Variants in CXorf66 observed in about 807,000 individuals in gnomAD.
CXorf66 encodes the protein chromosome X open reading frame 66, also known as uncharacterized protein CXorf66.
Under a neutral mutation model 5.0 loss-of-function variants are expected in CXorf66, and 6 were observed. The observed-to-expected ratio is 1.20, with a 90% CI of 0.65 to 2.36. The LOEUF (loss-of-function observed/expected upper bound fraction) is 2.36. CXorf66 is among the 30% of genes most tolerant of loss of function. The pLI, the probability that CXorf66 is intolerant of heterozygous loss-of-function variation, is 0.00. For synonymous variants in CXorf66, 98 were observed against 102.8 expected, an observed-to-expected ratio of 0.95 and a Z score of 0.28; for missense variants, 270 against 254.9, an observed-to-expected ratio of 1.06 and a Z score of -0.40.
In CXorf66 at chrX:139,956,735, T is replaced by C; in HGVS notation, c.247A>G (p.Lys83Glu). Residue 83 changes from lysine (K) to glutamate (E), a missense_variant, in exon 3 of 3, where the codon AAG becomes GAG. Transcript: ENST00000370540. ...SDDASKAGMV[K>E]KKGIAAKSSK... ...GACTTGGCTGCTATGCCTTTTTTCT[T>C]GACCCTGAAAGTATAGAAAATTTGG... 1 of 1,204,400 alleles carries C rather than the reference T, an allele frequency of 8.3e-7. No individual in the cohort carries two copies.
chrX:139,957,370 C>T (rs755929650), intron 2 of CXorf66, among the ~76,000 whole-genome samples: 1 of 110,957 alleles, frequency 9.0e-6, no homozygotes, highest in South Asian at 3.8e-4. Context: ...CACACACACA[C>T]ACACAAAGAG....
At chrX:139,965,126 C>T in intron 1 of CXorf66, among the ~76,000 whole-genome samples, 1 of 111,211 alleles carries the variant, frequency 9.0e-6, no homozygotes, top group East Asian at 2.8e-4. Flanking sequence ...AAGTCCCTTG[C>T]CAGATTCATT....
intron 1 of CXorf66, among the ~76,000 whole-genome samples, chrX:139,964,133 A>G (rs1390102745): frequency 8.9e-6 from 1 of 112,183 alleles, no homozygotes; most frequent in Admixed American, 9.5e-5. Context: ...CGCAACCTAC[A>G]GAATGGGAGA....
chrX:139,964,636 A>G (rs1226230239), intron 1 of CXorf66, among the ~76,000 whole-genome samples: 1 of 111,767 alleles, frequency 8.9e-6, no homozygotes, highest in African/African-American at 3.3e-5. Flanking sequence ...AGCACTATTT[A>G]CAATAGCAAA....
At position 139,955,932 on chromosome X, in the gene CXorf66, G is replaced by A; in HGVS notation, c.1050C>T (p.Tyr350=). 8.3e-7 allele frequency: 1 copy of A among 1,200,399 alleles called. No homozygotes were observed. Among genetic ancestry groups the A allele is most frequent in the Non-Finnish European group, 1.1e-6 (1 of 889,605 alleles). ...KVIIITCDRG[Y]NQVTSEVTLN... ...GGGTTACTTCAGAGGTGACTTGATTGTACCCTCTGTCACACGTAATGATTA... is the reference window on the plus strand; with the variant it reads ...GGGTTACTTCAGAGGTGACTTGATTATACCCTCTGTCACACGTAATGATTA... Residue 350 remains tyrosine, a synonymous_variant, in exon 3 of 3, where the codon TAC becomes TAT. Coordinates refer to ENST00000370540, the MANE Select transcript of CXorf66 (RefSeq NM_001013403.3).
intron 1 of CXorf66, among the ~76,000 whole-genome samples, chrX:139,964,243 G>A (rs751929014): frequency 5.6e-4 from 63 of 111,905 alleles, no homozygotes; most frequent in African/African-American, 1.9e-3. Context: ...CCATCAAAAA[G>A]TTGGCGAAGG....
rs752647126 is a variant in CXorf66 at position 139,958,084 on chromosome X, A to T, written c.222T>A (p.Asp74Glu). The change falls in exon 2 of 3, where the codon GAT (aspartate) becomes GAA (glutamate). Residue 74 changes from aspartate (D) to glutamate (E), a missense_variant. Coordinates refer to ENST00000370540, the MANE Select transcript of CXorf66 (RefSeq NM_001013403.3). The part of the protein sequence containing the change: ...FCYLHYNCLS[D>E]DASKAGMVKK... The stretch of plus-strand genomic sequence containing the variant: ...CTTACATTCCTGCTTTGGACGCATC[A>T]TCGCTCAGACAATTATAATGGAGAT... 8 of 1,201,504 alleles carry T rather than the reference A, an allele frequency of 6.7e-6. No individual in the cohort carries two copies. In the African/African-American group the frequency reaches 1.4e-4, roughly 21 times the overall value.
intron 1 of CXorf66, among the ~76,000 whole-genome samples, chrX:139,961,304 T>C (rs1423785250): frequency 2.7e-5 from 3 of 111,194 alleles, no homozygotes; most frequent in African/African-American, 9.8e-5. Context: ...AAACGGACTT[T>C]AAACCAACAA....
Position 139,958,142 on chromosome X carries a change from A to C in CXorf66, c.164T>G (p.Ile55Ser). 8.3e-7 allele frequency: 1 copy of C among 1,201,405 alleles called. No homozygotes were observed. The highest frequency in any genetic ancestry group is 1.7e-5 in the African/African-American group (1 of 57,619). Reference sequence around the variant, plus strand: ...ACAGATAAAGACAAAAACCATGATGATAATACCAACTAAAATGAGTAGATT... The same window carrying C: ...ACAGATAAAGACAAAAACCATGATGCTAATACCAACTAAAATGAGTAGATT... ...RRNLLILVGI[I>S]IMVFVFICFC... is the part of the protein sequence containing the mutation. The change falls in exon 2 of 3, where the codon ATC (isoleucine) becomes AGC (serine). Residue 55 changes from isoleucine to serine, a missense_variant. Ile to Ser is a moderately radical substitution (Grantham distance 142, BLOSUM62 -2). Transcript: ENST00000370540.
chrX:139,958,260 A>G (rs2085581238), intron 1 of CXorf66, 43 bp from the exon 2 acceptor site: 14 of 1,010,291 alleles, frequency 1.4e-5, no homozygotes, highest in Non-Finnish European at 1.8e-5. Flanking sequence ...TAAGTAACCA[A>G]GTTTTTTTCC....
intron 1 of CXorf66, among the ~76,000 whole-genome samples, chrX:139,961,713 C>T (rs1043817417): frequency 6.3e-5 from 7 of 111,966 alleles, no homozygotes; most frequent in Admixed American, 9.5e-5. Flanking sequence ...GAAATCATAA[C>T]GAATGGTCTT....
At chrX:139,957,695 A>C (rs1165706304) in intron 2 of CXorf66, among the ~76,000 whole-genome samples, 1 of 111,792 alleles carries the variant, frequency 8.9e-6, no homozygotes, top group Non-Finnish European at 1.9e-5. Context: ...TTAAGTCTTA[A>C]AATGGTAGAT....
intron 1 of CXorf66, among the ~76,000 whole-genome samples, chrX:139,958,831 C>A (rs1261616788): frequency 8.9e-6 from 1 of 112,167 alleles, no homozygotes; most frequent in Non-Finnish European, 1.9e-5. Context: ...GTGCAAGGAG[C>A]CAGGGGCCTC....
chrX:139,965,109 G>C (rs1926661174), intron 1 of CXorf66, among the ~76,000 whole-genome samples: 1 of 111,446 alleles, frequency 9.0e-6, no homozygotes. Flanking sequence ...AACCCCTACT[G>C]TATGTTAAGT....
At chrX:139,963,849 T>C (rs1018217019) in intron 1 of CXorf66, among the ~76,000 whole-genome samples, 6 of 112,083 alleles carry the variant, frequency 5.4e-5, no homozygotes, top group Admixed American at 9.5e-5. Flanking sequence ...CTGACAAAAC[T>C]GGCTAGCCAT....
chrX:139,962,552 C>G (rs972598246), intron 1 of CXorf66, among the ~76,000 whole-genome samples: 1 of 111,648 alleles, frequency 9.0e-6, no homozygotes, highest in African/African-American at 3.2e-5. Context: ...AAAAGAGGGA[C>G]TCCTCCCTAA....
At chrX:139,957,372 C>T (rs561021351) in intron 2 of CXorf66, among the ~76,000 whole-genome samples, 1 of 110,847 alleles carries the variant, frequency 9.0e-6, no homozygotes, top group African/African-American at 3.3e-5. Flanking sequence ...CACACACACA[C>T]ACAAAGAGAA....
chrX:139,963,245 A>G (rs1290893117), intron 1 of CXorf66, among the ~76,000 whole-genome samples: 2 of 112,071 alleles, frequency 1.8e-5, no homozygotes, highest in Non-Finnish European at 3.8e-5. Context: ...TCCAAAAATC[A>G]CAAGGATTCC....
rs940322480 is a variant in CXorf66, at chrX:139,959,859, A to C, written c.89-1642T>G. ...TGATTGTTAGAAGAAAAACTAAGAA[A>C]CAGAAAGCAATAATATCAACATCAA... is the stretch of plus-strand genomic sequence containing the variant. On this transcript the variant is annotated intron_variant, in intron 1 of 2. Coordinates refer to ENST00000370540, the MANE Select transcript of CXorf66 (RefSeq NM_001013403.3). Among the ~76,000 whole-genome samples, 3 of 111,846 alleles carry C rather than the reference A, an allele frequency of 2.7e-5. No individual in the cohort carries two copies. In the Admixed American group the frequency reaches 2.9e-4, roughly 11 times the overall value.
Sources: gnomAD v4.1 joint callset for allele counts (sites outside exome capture counted in the v4.1 genomes callset) on GRCh38, gnomAD v4.1.1 for gene constraint, MANE v1.5 for transcripts, NCBI Gene and HGNC (gene_info 2026-07-23, HGNC 2026-07-21) for gene names.